Variants in MILR1 observed in about 807,000 individuals in gnomAD.
MILR1 encodes the protein allergin-1.
Under a neutral mutation model 18.5 loss-of-function variants are expected in MILR1, and 31 were observed. That is an observed-to-expected ratio of 1.68 (90% CI 1.26 to 2.26). MILR1 has a LOEUF of 2.26. MILR1 is among the 30% of genes most tolerant of loss of function. The pLI is 0.00. For synonymous variants in MILR1, 85 were observed against 56.2 expected (o/e 1.51, Z -2.30); for missense variants, 257 against 157.4 (o/e 1.63, Z -3.38).
chr17:64,471,501 G>A (rs1555664595), downstream of MILR1, among the ~76,000 whole-genome samples: 2 of 152,188 alleles, frequency 1.3e-5, no homozygotes, highest in Admixed American at 6.6e-5. Flanking sequence ...AAGTGAACAT[G>A]TGTATTGTGC....
rs1433085742 is a variant in MILR1 at position 64,457,685 on chromosome 17, G to A, written c.652+1G>A. The A allele has an allele frequency of 6.3e-6, 3 of 473,860 alleles. No individual in the cohort carries two copies. Among genetic ancestry groups the A allele is most frequent in the Admixed American group, 3.2e-5 (1 of 31,744 alleles). 29.4% of individuals were successfully genotyped at this position (473,860 alleles called of 1,614,324 possible). A position where few individuals can be genotyped will look rare whatever the true frequency, so the allele number is the denominator to read the frequency against. On this transcript the variant is annotated splice_donor_variant, in intron 4 of 9. Transcript: ENST00000619286. LOFTEE classifies it high-confidence loss of function. ...CACCCTGTCACCATGCCCTCAACAG[G>A]TAAGAGCAACCTGAGTTCTTTCAGC...
downstream of MILR1, among the ~76,000 whole-genome samples, chr17:64,470,196 C>T (rs201615536): frequency 7.6e-4 from 116 of 152,200 alleles, no homozygotes; most frequent in East Asian, 0.012. Flanking sequence ...CGGGTTCAAG[C>T]GATTCTTGTG....
At chr17:64,463,231 C>T (rs1157822349) in intron 5 of MILR1, among the ~76,000 whole-genome samples, 5 of 151,926 alleles carry the variant, frequency 3.3e-5, no homozygotes, top group Admixed American at 1.3e-4. Context: ...TGGTCTTGAA[C>T]TCCTGGACTC....
intron 3 of MILR1, 26 bp from the exon 4 acceptor site, chr17:64,457,374 T>C: frequency 2.1e-6 from 1 of 472,884 alleles, no homozygotes; most frequent in East Asian, 3.2e-5. Flanking sequence ...TGTTTATCCT[T>C]TTCATGTTCA....
the MILR1 span, among the ~76,000 whole-genome samples, chr17:64,482,349 G>A: frequency 7.5e-5 from 10 of 132,920 alleles, no homozygotes; most frequent in East Asian, 2.1e-4. Context: ...TTTTTGAGAC[G>A]GAGTCTCTGT....
chr17:64,485,906 G>T, the MILR1 span: 2 of 1,610,456 alleles, frequency 1.2e-6, no homozygotes. Flanking sequence ...TCATTTCACA[G>T]AACTTTTTTT....
chr17:64,487,025 G>C, the MILR1 span: 2 of 151,244 alleles, frequency 1.3e-5, no homozygotes, highest in Admixed American at 6.6e-5. Flanking sequence ...TGTTCACCTG[G>C]ATATTCATGT....
At chr17:64,450,843 T>A (rs2037153878) in intron 2 of MILR1, among the ~76,000 whole-genome samples, 1 of 152,182 alleles carries the variant, frequency 6.6e-6, no homozygotes, top group African/African-American at 2.4e-5. Context: ...CGTTTAACCA[T>A]CCTTATTTAT....
the MILR1 span, among the ~76,000 whole-genome samples, chr17:64,489,050 T>C: frequency 6.7e-6 from 1 of 148,298 alleles, no homozygotes; most frequent in African/African-American, 2.5e-5. Flanking sequence ...TTTTGAGACA[T>C]GGTCTCATCC....
chr17:64,493,923 G>A, the MILR1 span, among the ~76,000 whole-genome samples: 2 of 151,816 alleles, frequency 1.3e-5, no homozygotes, highest in East Asian at 1.9e-4. Context: ...AAATACTGCC[G>A]CATACATCTT....
chr17:64,451,813 G>T (rs1266083497), intron 2 of MILR1, among the ~76,000 whole-genome samples: 1 of 151,830 alleles, frequency 6.6e-6, no homozygotes, highest in Non-Finnish European at 1.5e-5. Context: ...TGTGCCTATA[G>T]TTCAGCTACT....
chr17:64,455,167 C>A (rs929110732), intron 3 of MILR1, among the ~76,000 whole-genome samples: 1 of 152,212 alleles, frequency 6.6e-6, no homozygotes, highest in African/African-American at 2.4e-5. Flanking sequence ...CAGACTCCTG[C>A]TGCACTCAGC....
At chr17:64,481,177 A>T in the MILR1 span, 1 of 623,882 alleles carries the variant, frequency 1.6e-6, no homozygotes, top group Non-Finnish European at 2.0e-6. Context: ...AGACATTACT[A>T]AATGGTGACT....
At chr17:64,462,382 A>G (rs12936887) in intron 5 of MILR1, among the ~76,000 whole-genome samples, 112,548 of 152,048 alleles carry the variant, frequency 0.74, 41,886 homozygotes, top group Admixed American at 0.83. Flanking sequence ...AACAGTGTTC[A>G]TTTCGCACTG....
chr17:64,469,687 C>G (rs1555664234), downstream of MILR1, among the ~76,000 whole-genome samples: 1 of 152,072 alleles, frequency 6.6e-6, no homozygotes, highest in Non-Finnish European at 1.5e-5. Flanking sequence ...GCGTGAGCCA[C>G]CTCGCCTGGC....
the MILR1 span, chr17:64,490,527 A>G: frequency 4.5e-6 from 2 of 448,352 alleles, no homozygotes; most frequent in Non-Finnish European, 8.2e-6. Flanking sequence ...AAGGCATATG[A>G]CAACTACATG....
chr17:64,462,615 C>A (rs1340535672), intron 5 of MILR1, among the ~76,000 whole-genome samples: 2 of 150,800 alleles, frequency 1.3e-5, no homozygotes, highest in Non-Finnish European at 2.9e-5. Context: ...CAATTTTTGC[C>A]ATACTTTTAT....
chr17:64,450,638 C>T (rs1416958332), intron 2 of MILR1, among the ~76,000 whole-genome samples: 1 of 152,114 alleles, frequency 6.6e-6, no homozygotes, highest in Non-Finnish European at 1.5e-5. Context: ...TGCCACCATG[C>T]CTGGGTAATT....
the MILR1 span, chr17:64,497,098 G>C: frequency 1.1e-6 from 1 of 949,424 alleles, no homozygotes; most frequent in Non-Finnish European, 1.6e-6. Flanking sequence ...GCGGGCGGCA[G>C]GCCCCACCCC....
Sources: gnomAD v4.1 joint callset for allele counts (sites outside exome capture counted in the v4.1 genomes callset) on GRCh38, gnomAD v4.1.1 for gene constraint, MANE v1.5 for transcripts, NCBI Gene and HGNC (gene_info 2026-07-23, HGNC 2026-07-21) for gene names.